TAOK1: variants seen among roughly 807,000 people sequenced by gnomAD.
TAOK1 encodes serine/threonine-protein kinase TAO1.
Under a neutral mutation model 138.3 loss-of-function variants are expected in TAOK1, and 21 were observed. The ratio of observed to expected loss-of-function variants is 0.15; its 90% CI spans 0.11 to 0.22. The LOEUF is 0.22. Ranked by LOEUF, TAOK1 falls within the 10% of genes least tolerant of loss-of-function variation. The pLI is 1.00. For synonymous variants in TAOK1, 361 were observed against 398.4 expected (o/e 0.91, Z 1.12); for missense variants, 651 against 1,227.7 (o/e 0.53, Z 7.02).
At chr17:29,466,248 A>C (rs1444574918) in intron 2 of TAOK1, among the ~76,000 whole-genome samples, 1 of 152,052 alleles carries the variant, frequency 6.6e-6, no homozygotes, top group East Asian at 1.9e-4. Flanking sequence ...GTTTCAAGCG[A>C]TTCTCCTGTC....
chr17:29,398,890 T>C (rs1232907993), intron 1 of TAOK1, among the ~76,000 whole-genome samples: 2 of 152,166 alleles, frequency 1.3e-5, no homozygotes, highest in Admixed American at 1.3e-4. Context: ...TGCTAAGTAC[T>C]TAACTTACTG....
chr17:29,534,949 G>A (rs1209454520), intron 19 of TAOK1, among the ~76,000 whole-genome samples: 1 of 151,960 alleles, frequency 6.6e-6, no homozygotes, highest in Non-Finnish European at 1.5e-5. Flanking sequence ...GTGTGTGTGT[G>A]TGTGTGTGTG....
At chr17:29,464,410 C>T (rs1349835147) in intron 2 of TAOK1, among the ~76,000 whole-genome samples, 1 of 149,256 alleles carries the variant, frequency 6.7e-6, no homozygotes, top group Admixed American at 6.7e-5. Flanking sequence ...CAGCGCTGCA[C>T]TCCAGCCTGG....
At position 29,546,485 on chromosome 17, in the gene TAOK1, T is replaced by TA. The variant is rs1228033680; in HGVS notation, c.*3466dup. ...TGTAAGTACTAAATGTCTGGCATTTTAAACTTTTGTAGAATACATTATGTT... is the reference window on the plus strand; with the variant it reads ...TGTAAGTACTAAATGTCTGGCATTTTAAAACTTTTGTAGAATACATTATGTT... On this transcript the variant is annotated 3_prime_UTR_variant, in exon 20 of 20. Transcript: ENST00000261716. The TA allele has an allele frequency of 1.3e-5, 2 of 152,150 alleles. No individual in the cohort carries two copies. Among genetic ancestry groups the TA allele is most frequent in the Non-Finnish European group, 2.9e-5 (2 of 67,978 alleles). The allele number at this position is 152,150 out of a possible 1,614,324, so 9.4% of individuals were successfully genotyped here.
intron 8 of TAOK1, among the ~76,000 whole-genome samples, chr17:29,487,245 CCAAAAAAAAAAAAA>C (rs1567732056): frequency 9.5e-5 from 3 of 31,494 alleles, no homozygotes; most frequent in South Asian, 1.8e-3. Flanking sequence ...GACTGTGTCT[CCAAAAAAAAAAAAA>C]AAAAAAAAAA....
intron 2 of TAOK1, among the ~76,000 whole-genome samples, chr17:29,460,973 C>T (rs1232508574): frequency 6.6e-6 from 1 of 152,140 alleles, no homozygotes; most frequent in Non-Finnish European, 1.5e-5. Context: ...GGAAGTGATT[C>T]TCTGTTGTTT....
chr17:29,514,577 G>A (rs985288616), intron 15 of TAOK1: 3 of 151,910 alleles, frequency 2.0e-5, no homozygotes, highest in Admixed American at 6.6e-5. Context: ...CTCCAAACTG[G>A]TCTCAAACTC....
At chr17:29,483,711 CAACA>C (rs201137482) in intron 8 of TAOK1, among the ~76,000 whole-genome samples, 2,568 of 152,234 alleles carry the variant, frequency 0.017, 70 homozygotes, top group African/African-American at 0.058. Flanking sequence ...TTAACAACAT[CAACA>C]AACAGAGATT....
At chr17:29,429,246 A>T (rs1266697130) in intron 1 of TAOK1, among the ~76,000 whole-genome samples, 1 of 152,002 alleles carries the variant, frequency 6.6e-6, no homozygotes, top group Non-Finnish European at 1.5e-5. Flanking sequence ...TGCAAAGAAG[A>T]TAGTACAGAG....
chr17:29,524,140 G>C (rs1250930016), intron 17 of TAOK1, among the ~76,000 whole-genome samples: 1 of 152,156 alleles, frequency 6.6e-6, no homozygotes, highest in Non-Finnish European at 1.5e-5. Context: ...CAGTAGTTAT[G>C]TTGACTACTA....
chr17:29,491,360 G>A (rs1379336330), intron 9 of TAOK1, among the ~76,000 whole-genome samples: 1 of 152,100 alleles, frequency 6.6e-6, no homozygotes, highest in African/African-American at 2.4e-5. Flanking sequence ...AGAGCAGATA[G>A]AGTGATATTC....
At chr17:29,469,197 A>T (rs1455937826) in intron 3 of TAOK1, among the ~76,000 whole-genome samples, 1 of 151,590 alleles carries the variant, frequency 6.6e-6, no homozygotes, top group Non-Finnish European at 1.5e-5. Context: ...ACCCTGGGGA[A>T]CATAGTGAGA....
intron 2 of TAOK1, among the ~76,000 whole-genome samples, chr17:29,459,904 T>C (rs1279189810): frequency 1.3e-5 from 2 of 152,182 alleles, no homozygotes; most frequent in Admixed American, 1.3e-4. Flanking sequence ...ACATCCTCAC[T>C]AGTCATATTA....
At chr17:29,393,322 G>A (rs1178144299) in intron 1 of TAOK1, among the ~76,000 whole-genome samples, 1 of 152,060 alleles carries the variant, frequency 6.6e-6, no homozygotes, top group Non-Finnish European at 1.5e-5. Context: ...ATTTACATAG[G>A]GTGTAGGTTA....
intron 16 of TAOK1, among the ~76,000 whole-genome samples, chr17:29,521,116 A>G (rs1411083256): frequency 6.6e-6 from 1 of 152,158 alleles, no homozygotes; most frequent in Non-Finnish European, 1.5e-5. Flanking sequence ...TGCCTAAAAC[A>G]TATATTGTTG....
At position 29,419,448 on chromosome 17, in the gene TAOK1, G is replaced by T. The variant is rs181750254; in HGVS notation, c.-95+28424G>T. Among the ~76,000 whole-genome samples, 377 of 151,422 alleles carry T rather than the reference G, an allele frequency of 2.5e-3. 3 individuals carry two copies. The highest frequency in any genetic ancestry group is 8.2e-3 in the African/African-American group (339 of 41,284). ...CGACATCAATTGATCCACCCGCCTC[G>T]GCCTCCCAAAGTGCTGGGAATGTGA... On this transcript the variant is annotated intron_variant, in intron 1 of 19. Coordinates refer to ENST00000261716, the MANE Select transcript of TAOK1 (RefSeq NM_020791.4).
intron 9 of TAOK1, 46 bp downstream of exon 9, chr17:29,489,803 A>ATG: frequency 7.5e-7 from 1 of 1,332,964 alleles, no homozygotes; most frequent in Non-Finnish European, 1.0e-6. Flanking sequence ...AATAAATGAA[A>ATG]TGCTTTTTCA....
chr17:29,437,123 G>A (rs1598480836), intron 1 of TAOK1, among the ~76,000 whole-genome samples: 1 of 152,170 alleles, frequency 6.6e-6, no homozygotes, highest in East Asian at 1.9e-4. Flanking sequence ...GAGTGCAGTG[G>A]TGTGATCTTG....
intron 1 of TAOK1, among the ~76,000 whole-genome samples, chr17:29,431,998 G>C (rs1243268709): frequency 6.6e-6 from 1 of 152,008 alleles, no homozygotes; most frequent in Non-Finnish European, 1.5e-5. Flanking sequence ...AGTAGAGATG[G>C]GTGCCGAGAC....
Sources: allele counts gnomAD v4.1 joint callset (sites outside exome capture counted in the v4.1 genomes callset), GRCh38; gene constraint gnomAD v4.1.1; transcripts MANE v1.5; gene names NCBI Gene and HGNC (gene_info 2026-07-23, HGNC 2026-07-21).